Variants in GRIP1 observed in about 807,000 individuals in gnomAD.
GRIP1 encodes glutamate receptor interacting protein 1, also known as glutamate receptor-interacting protein 1.
A neutral mutation model predicts 129.9 loss-of-function variants in GRIP1; 45 were observed. That is an observed-to-expected ratio of 0.35 (90% CI 0.27 to 0.44). The LOEUF (loss-of-function observed/expected upper bound fraction) is 0.44, where lower values mean the gene tolerates loss of function less well. GRIP1 is among the 20% of genes least tolerant of loss of function. GRIP1 has a pLI of 1.00. For synonymous variants in GRIP1, 530 were observed against 520.8 expected, an observed-to-expected ratio of 1.02 and a Z score of -0.24; for missense variants, 1,196 against 1,396.8, an observed-to-expected ratio of 0.86 and a Z score of 2.29.
intron 1 of GRIP1, chr12:66,647,413 A>AT (rs1240709763): frequency 2.0e-5 from 3 of 152,212 alleles, no homozygotes; most frequent in East Asian, 3.8e-4. Context: ...TCTGTGGAAT[A>AT]TTTTTCAGTT....
intron 1 of GRIP1, among the ~76,000 whole-genome samples, chr12:66,972,634 A>G (rs748085781): frequency 9.2e-5 from 14 of 152,208 alleles, no homozygotes; most frequent in Non-Finnish European, 7.3e-5. Context: ...TTCCTTCCAC[A>G]TAACAGCTCT....
intron 1 of GRIP1, among the ~76,000 whole-genome samples, chr12:66,665,352 C>T (rs1191366509): frequency 7.2e-5 from 11 of 152,084 alleles, no homozygotes; most frequent in Non-Finnish European, 1.5e-5. Flanking sequence ...AAGAATAGTA[C>T]ACAATTCAAA....
intron 1 of GRIP1, among the ~76,000 whole-genome samples, chr12:66,858,866 T>C (rs2040051637): frequency 6.6e-6 from 1 of 151,918 alleles, no homozygotes; most frequent in African/African-American, 2.4e-5. Context: ...AAAGATCTAG[T>C]ATTTTTAGCA....
intron 1 of GRIP1, among the ~76,000 whole-genome samples, chr12:66,813,181 A>G (rs1296139362): frequency 6.6e-6 from 1 of 152,184 alleles, no homozygotes; most frequent in African/African-American, 2.4e-5. Flanking sequence ...CAGGGAGCTT[A>G]TGATTATGGC....
chr12:66,822,637 G>A (rs533155452), intron 1 of GRIP1, among the ~76,000 whole-genome samples: 51 of 152,264 alleles, frequency 3.3e-4, no homozygotes, highest in African/African-American at 1.2e-3. Flanking sequence ...TAAAGAAAAT[G>A]TGGTACCTAT....
Position 66,601,222 on chromosome 12 carries a change from C to CA in GRIP1, c.56-4296dup, listed in dbSNP as rs369111914. ...AAACACTGGAGGGGCAAACACAGAT[C>CA]ATTTGTTTTGATCACATGAAGCTGG... is the stretch of plus-strand genomic sequence containing the variant. On this transcript the variant is annotated intron_variant, in intron 1 of 24. Coordinates refer to ENST00000359742, the MANE Select transcript of GRIP1 (RefSeq NM_001366722.1). Among the ~76,000 whole-genome samples the CA allele has an allele frequency of 5.7e-3, 875 of 152,280 alleles. 4 individuals are homozygous for CA. Among genetic ancestry groups the CA allele is most frequent in the African/African-American group, 8.2e-3 (341 of 41,552 alleles).
chr12:67,001,648 T>A (rs962427532), intron 1 of GRIP1, among the ~76,000 whole-genome samples: 1 of 152,140 alleles, frequency 6.6e-6, no homozygotes, highest in Non-Finnish European at 1.5e-5. Context: ...CATCCCTACA[T>A]GGTAACTAGA....
intron 1 of GRIP1, among the ~76,000 whole-genome samples, chr12:66,793,021 G>T (rs1463757146): frequency 6.6e-6 from 1 of 152,136 alleles, no homozygotes; most frequent in African/African-American, 2.4e-5. Context: ...TGATTCATGT[G>T]TGACTTAGCA....
At chr12:66,594,691 A>G (rs2063979271) in intron 2 of GRIP1, among the ~76,000 whole-genome samples, 2 of 152,098 alleles carry the variant, frequency 1.3e-5, no homozygotes, top group Admixed American at 1.3e-4. Context: ...GCTCTGGTAA[A>G]TAATAAAGAG....
chr12:66,349,159 T>C lies in GRIP1; in HGVS notation c.3247A>G (p.Ser1083Gly). 6.2e-7 allele frequency: 1 copy of C among 1,613,856 alleles called. No homozygotes were observed. Among genetic ancestry groups the C allele is most frequent in the Non-Finnish European group, 8.5e-7 (1 of 1,179,714 alleles). Residue 1083 changes from serine to glycine, a missense_variant, in exon 25 of 25, where the codon AGT (serine) becomes GGT (glycine). Transcript: ENST00000359742. ...TTCTGTGAAGCCAGTGGGTTTCTAC[T>C]AATAACCAGGTCCAGCTTATTCCCG... The part of the protein sequence containing the change: ...ESGNKLDLVI[S>G]RNPLASQKSI...
At chr12:66,699,850 C>G (rs1472514321) in intron 1 of GRIP1, among the ~76,000 whole-genome samples, 1 of 152,162 alleles carries the variant, frequency 6.6e-6, no homozygotes, top group Non-Finnish European at 1.5e-5. Flanking sequence ...CCACATCCAC[C>G]TGCATGAGGC....
Position 66,406,439 on chromosome 12 carries a change from A to G in GRIP1, c.1839-11T>C, listed in dbSNP as rs777696667. Reference sequence around the variant, plus strand: ...TCCAGGGTCCCAGTTCTGTTAGTGAATGCAAAGTAACACATGACTAATGAT... The same window carrying G: ...TCCAGGGTCCCAGTTCTGTTAGTGAGTGCAAAGTAACACATGACTAATGAT... On this transcript the variant is annotated splice_polypyrimidine_tract_variant and intron_variant, in intron 15 of 24. Transcript: ENST00000359742. 1.2e-6 allele frequency: 2 copies of G among 1,613,220 alleles called. No individual in the cohort carries two copies. The highest frequency in any genetic ancestry group is 2.7e-5 in the African/African-American group (2 of 74,912).
intron 1 of GRIP1, among the ~76,000 whole-genome samples, chr12:66,745,753 T>C (rs1450215665): frequency 6.6e-6 from 1 of 151,914 alleles, no homozygotes; most frequent in East Asian, 1.9e-4. Flanking sequence ...AGGAAAGAGG[T>C]AAAGATAGTA....
intron 1 of GRIP1, among the ~76,000 whole-genome samples, chr12:66,721,140 A>G (rs1369024093): frequency 6.6e-6 from 1 of 152,196 alleles, no homozygotes; most frequent in African/African-American, 2.4e-5. Flanking sequence ...TTCCAATCAG[A>G]GCTCTTGCAT....
intron 1 of GRIP1, among the ~76,000 whole-genome samples, chr12:66,933,677 C>T (rs886464214): frequency 2.0e-5 from 3 of 152,080 alleles, no homozygotes; most frequent in African/African-American, 7.2e-5. Context: ...TGAATAGATA[C>T]ATAAATGTAC....
chr12:66,917,947 AACACAC>A (rs58387290), intron 1 of GRIP1, among the ~76,000 whole-genome samples: 17 of 147,620 alleles, frequency 1.2e-4, no homozygotes, highest in Middle Eastern at 6.9e-3. Flanking sequence ...GAGATGTATA[AACACAC>A]ACACACACAC....
intron 1 of GRIP1, among the ~76,000 whole-genome samples, chr12:66,755,091 A>G (rs1388882204): frequency 6.6e-6 from 1 of 152,220 alleles, no homozygotes; most frequent in Non-Finnish European, 1.5e-5. Context: ...AGTGGGCCAA[A>G]ATAAAACATC....
At chr12:66,908,624 A>G (rs1023692351) in intron 1 of GRIP1, among the ~76,000 whole-genome samples, 17 of 152,164 alleles carry the variant, frequency 1.1e-4, no homozygotes, top group Non-Finnish European at 7.3e-5. Context: ...ATGAGGAGTG[A>G]GATTGGAGTG....
chr12:67,008,712 G>T (rs1192878498), intron 1 of GRIP1, among the ~76,000 whole-genome samples: 1 of 152,034 alleles, frequency 6.6e-6, no homozygotes, highest in Admixed American at 6.6e-5. Flanking sequence ...TGATATACAG[G>T]AAGTGCTAGC....
Sources: gnomAD v4.1 joint callset for allele counts (sites outside exome capture counted in the v4.1 genomes callset) on GRCh38, gnomAD v4.1.1 for gene constraint, MANE v1.5 for transcripts, NCBI Gene and HGNC (gene_info 2026-07-23, HGNC 2026-07-21) for gene names.